Variants in HERC4 observed in about 807,000 individuals in gnomAD.
HERC4 encodes the protein HECT and RLD domain containing E3 ubiquitin protein ligase 4.
In HERC4, 28 loss-of-function variants were observed where a neutral mutation model predicts 124.3. The ratio of observed to expected loss-of-function variants is 0.23; its 90% CI spans 0.17 to 0.31. The LOEUF (loss-of-function observed/expected upper bound fraction) is 0.31. HERC4 is among the 10% of genes least tolerant of loss of function. The pLI, the probability that HERC4 is intolerant of heterozygous loss-of-function variation, is 1.00. For synonymous variants in HERC4, 407 were observed against 421.5 expected, an observed-to-expected ratio of 0.97 and a Z score of 0.42; for missense variants, 713 against 1,229.3, an observed-to-expected ratio of 0.58 and a Z score of 6.28.
intron 9 of HERC4, among the ~76,000 whole-genome samples, chr10:68,012,455 T>C (rs990472897): frequency 5.3e-5 from 8 of 152,356 alleles, no homozygotes; most frequent in Middle Eastern, 3.4e-3. Flanking sequence ...TGTAGGGTTA[T>C]TAACTGGCCT....
chr10:67,983,975 C>T (rs1415904942), intron 15 of HERC4, among the ~76,000 whole-genome samples: 2 of 151,462 alleles, frequency 1.3e-5, no homozygotes, highest in Non-Finnish European at 1.5e-5. Flanking sequence ...AAAAAAAGAA[C>T]GAATACAGAA....
At chr10:67,941,724 G>A (rs1352672052) in intron 19 of HERC4, among the ~76,000 whole-genome samples, 1 of 138,864 alleles carries the variant, frequency 7.2e-6, no homozygotes, top group African/African-American at 2.7e-5. Flanking sequence ...TGTCACCCAG[G>A]ATGGAGTGCA....
intron 19 of HERC4, among the ~76,000 whole-genome samples, chr10:67,952,540 G>A (rs995537007): frequency 1.3e-5 from 2 of 151,808 alleles, no homozygotes; most frequent in African/African-American, 4.8e-5. Context: ...CCAAAGAGCT[G>A]GGATTAGAGG....
At chr10:68,041,498 T>C (rs749278390) in intron 4 of HERC4, among the ~76,000 whole-genome samples, 8 of 152,144 alleles carry the variant, frequency 5.3e-5, no homozygotes, top group Non-Finnish European at 1.0e-4. Flanking sequence ...AGAAAATAAA[T>C]TGTATTTTTG....
intron 15 of HERC4, among the ~76,000 whole-genome samples, chr10:67,977,923 G>A (rs751100177): frequency 1.3e-5 from 2 of 151,862 alleles, no homozygotes; most frequent in Non-Finnish European, 2.9e-5. Flanking sequence ...AGAGAGTATA[G>A]TGAGCCGAGA....
chr10:68,013,580 G>C (rs948745457), intron 9 of HERC4, among the ~76,000 whole-genome samples: 3 of 152,216 alleles, frequency 2.0e-5, no homozygotes, highest in Non-Finnish European at 4.4e-5. Context: ...CAGGCACTAG[G>C]AAGAGGAGGG....
intron 22 of HERC4, among the ~76,000 whole-genome samples, chr10:67,934,243 T>C (rs545868733): frequency 6.6e-6 from 1 of 152,326 alleles, no homozygotes; most frequent in East Asian, 1.9e-4. Flanking sequence ...AACATTTCTA[T>C]ATTATTCACA....
chr10:67,972,529 G>GAAAAAAAAA (rs58031306), intron 15 of HERC4, among the ~76,000 whole-genome samples: 1 of 58,396 alleles, frequency 1.7e-5, no homozygotes, highest in Non-Finnish European at 3.1e-5. Flanking sequence ...CAAAAAAGAG[G>GAAAAAAAAA]AAAAAAAAAA....
At chr10:68,066,291 C>T (rs1359076999) in intron 3 of HERC4, among the ~76,000 whole-genome samples, 2 of 152,132 alleles carry the variant, frequency 1.3e-5, no homozygotes, top group Non-Finnish European at 2.9e-5. Flanking sequence ...AATACAGAAC[C>T]TAAGAATCTT....
At chr10:68,038,249 G>A in intron 4 of HERC4, 80 bp from the exon 5 acceptor site, 1 of 660,918 alleles carries the variant, frequency 1.5e-6, no homozygotes, top group Non-Finnish European at 2.5e-6. Flanking sequence ...GTTATTTATT[G>A]ATGGCCTACT....
Position 68,030,822 on chromosome 10 carries a change from A to G in HERC4, c.777+1956T>C, listed in dbSNP as rs79082399. 1.2e-4 allele frequency among the ~76,000 whole-genome samples: 19 copies of G among 152,310 alleles called. No homozygotes were observed. In the East Asian group the frequency reaches 3.1e-3, roughly 25 times the overall value. ...TGCAAATAAACTTGAAAAAAATGTGACATCTTTATGGAAGTATCCTCATAT... is the reference window on the plus strand; with the variant it reads ...TGCAAATAAACTTGAAAAAAATGTGGCATCTTTATGGAAGTATCCTCATAT... On this transcript the variant is annotated intron_variant, in intron 7 of 24. Coordinates refer to ENST00000373700, the MANE Select transcript of HERC4 (RefSeq NM_015601.4).
At chr10:67,931,086 A>G (rs2132026858) in intron 23 of HERC4, among the ~76,000 whole-genome samples, 1 of 152,188 alleles carries the variant, frequency 6.6e-6, no homozygotes, top group Non-Finnish European at 1.5e-5. Flanking sequence ...CCCGGGTTCA[A>G]GCGATTCTCC....
At chr10:67,960,793 C>T (rs1404071711) in intron 16 of HERC4, 1 of 245,344 alleles carries the variant, frequency 4.1e-6, no homozygotes. Context: ...ACTACCTTCA[C>T]CATGAAGCTC....
intron 23 of HERC4, among the ~76,000 whole-genome samples, chr10:67,932,061 G>C (rs1170238981): frequency 1.3e-5 from 2 of 151,990 alleles, no homozygotes; most frequent in South Asian, 2.1e-4. Flanking sequence ...AGGTTCAAGA[G>C]ACTCTCCTGC....
chr10:68,042,572 G>C (rs774090979), intron 4 of HERC4, among the ~76,000 whole-genome samples: 1 of 152,182 alleles, frequency 6.6e-6, no homozygotes, highest in African/African-American at 2.4e-5. Context: ...GCAGTGAGCT[G>C]TGAGCATGCC....
At chr10:68,068,964 T>C in intron 3 of HERC4, 3 of 729,022 alleles carry the variant, frequency 4.1e-6, no homozygotes, top group African/African-American at 1.9e-5. Context: ...TGAAAGAATG[T>C]TGTAAAACAC....
At chr10:67,976,219 C>T (rs1376894532) in intron 15 of HERC4, among the ~76,000 whole-genome samples, 1 of 152,020 alleles carries the variant, frequency 6.6e-6, no homozygotes, top group Non-Finnish European at 1.5e-5. Context: ...TAGTATTGTG[C>T]TTTAATCAAC....
At chr10:68,018,436 G>GA (rs1302948703) in intron 8 of HERC4, among the ~76,000 whole-genome samples, 1 of 152,116 alleles carries the variant, frequency 6.6e-6, no homozygotes, top group Non-Finnish European at 1.5e-5. Context: ...ATGAAATACT[G>GA]AAAGTTTTCC....
Position 68,070,050 on chromosome 10 carries a change from C to T in HERC4, c.226+2833G>A, listed in dbSNP as rs578252998. 5.1e-5 allele frequency: 50 copies of T among 974,484 alleles called. No homozygotes were observed. In the African/African-American group the frequency reaches 6.5e-4, roughly 13 times the overall value. The allele number at this position is 974,484 out of a possible 1,614,324, so 60.4% of individuals were successfully genotyped here. On this transcript the variant is annotated intron_variant, in intron 3 of 24. Transcript: ENST00000373700. ...GAGTGAGACTCTGTCTCAAACAAAA[C>T]GAAACAAAACAAAACAAAACAAAAA...
Sources: allele counts gnomAD v4.1 joint callset (sites outside exome capture counted in the v4.1 genomes callset), GRCh38; gene constraint gnomAD v4.1.1; transcripts MANE v1.5; gene names NCBI Gene and HGNC (gene_info 2026-07-23, HGNC 2026-07-21).